AK9: variants seen among roughly 807,000 people sequenced by gnomAD.
AK9 encodes the protein adenylate kinase domain containing 1.
AK9 carries 191 observed loss-of-function variants against 239.6 expected under a neutral mutation model. That is an observed-to-expected ratio of 0.80 (90% confidence interval 0.71 to 0.90). The LOEUF is 0.90. Ranked by LOEUF, AK9 falls within the 40% of genes least tolerant of loss-of-function variation. The pLI, the probability that AK9 is intolerant of heterozygous loss-of-function variation, is 0.00. For missense variants in AK9, 1,995 were observed against 2,214.7 expected, an observed-to-expected ratio of 0.90 and a Z score of 1.99; for synonymous variants, 689 against 721.0, an observed-to-expected ratio of 0.96 and a Z score of 0.71.
intron 12 of AK9, chr6:109,632,390 T>C: frequency 1.2e-6 from 1 of 863,602 alleles, no homozygotes; most frequent in South Asian, 5.3e-5. Flanking sequence ...CAGCTTTGTC[T>C]TCAAATTATA....
intron 29 of AK9, among the ~76,000 whole-genome samples, chr6:109,523,204 T>A (rs1780058353): frequency 6.6e-6 from 1 of 151,906 alleles, no homozygotes; most frequent in Non-Finnish European, 1.5e-5. Flanking sequence ...TTTAAAAAAA[T>A]CCTAAAAATA....
chr6:109,498,845 C>T (rs192497813), intron 36 of AK9, among the ~76,000 whole-genome samples, 199 bp downstream of exon 36: 3 of 152,370 alleles, frequency 2.0e-5, no homozygotes, highest in African/African-American at 7.2e-5. Flanking sequence ...ACCCTGGACT[C>T]CTGCAATGTT....
intron 33 of AK9, among the ~76,000 whole-genome samples, chr6:109,507,753 G>T (rs147163637): frequency 1.3e-5 from 2 of 152,094 alleles, no homozygotes; most frequent in Admixed American, 6.5e-5. Flanking sequence ...ACGGCCATAC[G>T]TCTATATTTG....
At chr6:109,599,466 T>C (rs903772800) in intron 17 of AK9, among the ~76,000 whole-genome samples, 1 of 152,256 alleles carries the variant, frequency 6.6e-6, no homozygotes, top group Non-Finnish European at 1.5e-5. Flanking sequence ...CATGCTGTTT[T>C]GGTTACTGTA....
At chr6:109,546,233 G>A (rs1276125500) in intron 25 of AK9, 106 bp from the exon 26 acceptor site, 1 of 1,024,856 alleles carries the variant, frequency 9.8e-7, no homozygotes, top group East Asian at 2.4e-5. Flanking sequence ...CCCTCCCTAA[G>A]ATGGGGTAGG....
chr6:109,496,270 G>T lies in AK9; in HGVS notation c.5316-830C>A, dbSNP rs987866083. 2.6e-5 allele frequency among the ~76,000 whole-genome samples: 4 copies of T among 152,280 alleles called. No individual in the cohort carries two copies. In the South Asian group the frequency reaches 8.3e-4, roughly 32 times the overall value. ...GCAGCTCTGGTCCCCTCAGCCGGCC[G>T]TGTGCAGTCCGGTTTGCACCAGGCC... On this transcript the variant is annotated intron_variant, in intron 38 of 40. Coordinates refer to ENST00000424296, the MANE Select transcript of AK9 (RefSeq NM_001145128.3).
chr6:109,643,685 T>C (rs534685459), intron 9 of AK9, among the ~76,000 whole-genome samples: 1 of 152,292 alleles, frequency 6.6e-6, no homozygotes, highest in African/African-American at 2.4e-5. Context: ...GTTTACAAGG[T>C]CTTTCTTGGT....
chr6:109,503,784 G>A (rs1377571810), intron 35 of AK9, among the ~76,000 whole-genome samples: 1 of 152,150 alleles, frequency 6.6e-6, no homozygotes, highest in Non-Finnish European at 1.5e-5. Flanking sequence ...CAGCTGGACT[G>A]GAAATTGCCC....
At chr6:109,659,123 A>C in intron 7 of AK9, 105 bp downstream of exon 7, 1 of 1,314,890 alleles carries the variant, frequency 7.6e-7, no homozygotes, top group Non-Finnish European at 9.9e-7. Context: ...AGATGTAAAG[A>C]AAATGTATAG....
chr6:109,634,300 A>C (rs1008211086), intron 10 of AK9, among the ~76,000 whole-genome samples: 2 of 152,198 alleles, frequency 1.3e-5, no homozygotes, highest in African/African-American at 4.8e-5. Context: ...CCACAATGGG[A>C]AACACAGCAC....
At position 109,564,895 on chromosome 6, in the gene AK9, C is replaced by T. The variant is rs1162632747; in HGVS notation, c.2345-50G>A. The stretch of plus-strand genomic sequence containing the variant: ...GTGTTTAAATTTGAAAACATTATTC[C>T]TTTATGAAAGTTTTGGCACAAAGAA... On this transcript the variant is annotated intron_variant, in intron 21 of 40. Transcript: ENST00000424296. 6 of 1,363,450 alleles carry T rather than the reference C, an allele frequency of 4.4e-6. No individual in the cohort carries two copies. The African/African-American group carries it at 8.8e-5, about 20-fold the overall frequency. The allele number at this position is 1,363,450 out of a possible 1,614,324, so 84.5% of individuals were successfully genotyped here.
chr6:109,532,684 G>T (rs1055435416), intron 28 of AK9, among the ~76,000 whole-genome samples: 5 of 151,944 alleles, frequency 3.3e-5, no homozygotes, highest in African/African-American at 1.2e-4. Flanking sequence ...CTACTTTCTG[G>T]TTATTATGAA....
intron 19 of AK9, among the ~76,000 whole-genome samples, chr6:109,580,093 A>G (rs986587412): frequency 6.6e-6 from 1 of 152,238 alleles, no homozygotes; most frequent in Non-Finnish European, 1.5e-5. Context: ...ATGATGGCAT[A>G]TAAGTGTTTT....
chr6:109,598,283 C>G (rs1791353518), intron 17 of AK9, among the ~76,000 whole-genome samples: 1 of 145,426 alleles, frequency 6.9e-6, no homozygotes, highest in South Asian at 2.1e-4. Context: ...TCCATGTGTT[C>G]TCATTGTTCA....
At chr6:109,646,606 A>C (rs1798096823) in intron 8 of AK9, among the ~76,000 whole-genome samples, 1 of 152,190 alleles carries the variant, frequency 6.6e-6, no homozygotes, top group Non-Finnish European at 1.5e-5. Flanking sequence ...ACCAAACCTA[A>C]GTTTGATTGG....
chr6:109,607,174 T>G (rs762458385), intron 17 of AK9, among the ~76,000 whole-genome samples: 21 of 152,282 alleles, frequency 1.4e-4, no homozygotes, highest in Middle Eastern at 3.4e-3. Flanking sequence ...ATATCATTTA[T>G]AGAAGCATCA....
At chr6:109,610,244 G>T in intron 17 of AK9, 121 bp downstream of exon 17, 3 of 1,213,360 alleles carry the variant, frequency 2.5e-6, no homozygotes, top group Non-Finnish European at 3.4e-6. Context: ...AAATGTACAT[G>T]AATTTGAAGG....
intron 24 of AK9, among the ~76,000 whole-genome samples, chr6:109,560,825 C>G (rs772026475): frequency 3.3e-5 from 5 of 152,146 alleles, no homozygotes; most frequent in African/African-American, 4.8e-5. Flanking sequence ...TTTTCTGGAA[C>G]AGTTTGTATA....
chr6:109,627,132 GC>G (rs1466848907), intron 12 of AK9, among the ~76,000 whole-genome samples: 2 of 98,012 alleles, frequency 2.0e-5, no homozygotes, highest in Non-Finnish European at 4.1e-5. Flanking sequence ...CGATGTTTAA[GC>G]TTTTTTTTTT....
Sources: gnomAD v4.1 joint callset for allele counts (sites outside exome capture counted in the v4.1 genomes callset) on GRCh38, gnomAD v4.1.1 for gene constraint, MANE v1.5 for transcripts, NCBI Gene and HGNC (gene_info 2026-07-23, HGNC 2026-07-21) for gene names.